NDUFAF6: variants seen among roughly 807,000 people sequenced by gnomAD.
NDUFAF6 encodes NADH:ubiquinone oxidoreductase complex assembly factor 6.
A neutral mutation model predicts 40.8 loss-of-function variants in NDUFAF6; 45 were observed. The observed-to-expected ratio is 1.10, with a 90% confidence interval of 0.87 to 1.42. The LOEUF (loss-of-function observed/expected upper bound fraction) is 1.42. Among genes scored for constraint, NDUFAF6 ranks in the 40% most tolerant of loss-of-function variants. NDUFAF6 has a pLI of 0.00. For missense variants in NDUFAF6, 435 were observed against 418.5 expected (o/e 1.04, Z -0.34); for synonymous variants, 185 against 155.9 (o/e 1.19, Z -1.39).
chr8:95,024,928 A>G (rs77790737), upstream of NDUFAF6: 166,057 of 1,185,828 alleles, frequency 0.14, 11,935 homozygotes, highest in Middle Eastern at 0.19. Context: ...TCAAAGGAGC[A>G]TAGGGGAACC....
At chr8:94,987,914 T>C (rs927171052) in intron 2 of NDUFAF6, among the ~76,000 whole-genome samples, 3 of 152,196 alleles carry the variant, frequency 2.0e-5, no homozygotes, top group African/African-American at 7.2e-5. Context: ...CTTACTATAG[T>C]AGCCTCCCCT....
upstream of NDUFAF6, among the ~76,000 whole-genome samples, chr8:95,098,560 G>A (rs1809545581): frequency 6.6e-6 from 1 of 152,204 alleles, no homozygotes; most frequent in South Asian, 2.1e-4. Flanking sequence ...CTCCCAGCTA[G>A]TCAGGGGGCT....
chr8:94,950,607 T>A (rs1822512602), intron 2 of NDUFAF6, among the ~76,000 whole-genome samples: 2 of 152,242 alleles, frequency 1.3e-5, no homozygotes, highest in Non-Finnish European at 2.9e-5. Context: ...CAAAATATGA[T>A]GGTCATTGGA....
At chr8:94,981,623 A>G (rs1310985995) in intron 2 of NDUFAF6, among the ~76,000 whole-genome samples, 3 of 152,180 alleles carry the variant, frequency 2.0e-5, no homozygotes, top group Non-Finnish European at 2.9e-5. Context: ...TACATTTCCT[A>G]AAACAGGTAA....
At chr8:95,065,444 A>AT (rs897465145) in intron 9 of NDUFAF6, among the ~76,000 whole-genome samples, 1 of 151,826 alleles carries the variant, frequency 6.6e-6, no homozygotes, top group East Asian at 1.9e-4. Context: ...GTCCTCCTCT[A>AT]TTTTTTTCCC....
chr8:94,956,620 C>G (rs1447897347), upstream of NDUFAF6, among the ~76,000 whole-genome samples: 1 of 152,028 alleles, frequency 6.6e-6, no homozygotes, highest in South Asian at 2.1e-4. Flanking sequence ...AAAAGAATCC[C>G]CCTGGCTACT....
chr8:95,038,681 T>C (rs1829786934), intron 3 of NDUFAF6, among the ~76,000 whole-genome samples: 3 of 151,720 alleles, frequency 2.0e-5, no homozygotes, highest in Non-Finnish European at 2.9e-5. Context: ...GTAAATATTT[T>C]CTTTTTTTCT....
intron 7 of NDUFAF6, among the ~76,000 whole-genome samples, chr8:95,051,493 T>C (rs937674185): frequency 1.3e-5 from 2 of 152,068 alleles, no homozygotes; most frequent in Admixed American, 6.6e-5. Flanking sequence ...AGTCAGGAAG[T>C]AGAGGGCTTT....
downstream of NDUFAF6, among the ~76,000 whole-genome samples, chr8:95,107,655 G>A (rs530870355): frequency 3.3e-5 from 5 of 152,198 alleles, no homozygotes; most frequent in African/African-American, 1.2e-4. Flanking sequence ...CTCTGAAAAG[G>A]TGAATTTTAT....
downstream of NDUFAF6, among the ~76,000 whole-genome samples, chr8:95,059,143 A>T (rs537259553): frequency 1.0e-3 from 159 of 152,308 alleles, no homozygotes; most frequent in African/African-American, 3.7e-3. Context: ...ATCTGACTCT[A>T]AATGAATCTC....
In NDUFAF6 at chr8:95,025,135, G is replaced by GGGC; in HGVS notation, c.130_132dup (p.Arg44dup). On this transcript the variant is annotated inframe_insertion, in exon 1 of 9. Transcript: ENST00000396124. ...GCGGCTGCCCGGGCCGGAGGTGTCT[G>GGGC]GGCGGAGCGTGGCTGCGGCCAGCGG... The GGGC allele has an allele frequency of 6.7e-7, 1 of 1,485,812 alleles. No individual in the cohort carries two copies. The highest frequency in any genetic ancestry group is 8.9e-7 in the Non-Finnish European group (1 of 1,128,004). 92.0% of individuals were successfully genotyped at this position (1,485,812 alleles called of 1,614,324 possible).
In NDUFAF6 at chr8:94,939,543, G is replaced by A. The variant is rs1423579058; in HGVS notation, c.-935-5940G>A. The A allele has an allele frequency of 9.7e-6, 3 of 310,390 alleles. No individual in the cohort carries two copies. In the Admixed American group the frequency reaches 1.3e-4, roughly 14 times the overall value. 19.2% of individuals were successfully genotyped at this position (310,390 alleles called of 1,614,324 possible). A position where few individuals can be genotyped will look rare whatever the true frequency, so the allele number is the denominator to read the frequency against. Reference sequence around the variant, plus strand: ...CCTGAGTAGCTGGGACTACAGGTGTGCACCACCACACCTGGCTAATTTTTT... The same window carrying A: ...CCTGAGTAGCTGGGACTACAGGTGTACACCACCACACCTGGCTAATTTTTT... On this transcript the variant is annotated intron_variant, in intron 1 of 14. Transcript: ENST00000396113.
chr8:95,018,087 C>T (rs1424577820), intron 2 of NDUFAF6, among the ~76,000 whole-genome samples: 1 of 152,080 alleles, frequency 6.6e-6, no homozygotes, highest in African/African-American at 2.4e-5. Flanking sequence ...CGTTCTTTCA[C>T]CCAGGCTGGG....
intron 1 of NDUFAF6, among the ~76,000 whole-genome samples, chr8:94,917,190 G>A (rs528768942): frequency 4.0e-5 from 6 of 151,274 alleles, no homozygotes; most frequent in South Asian, 2.1e-4. Flanking sequence ...GTACGTTAAC[G>A]TAGAAGGTTC....
intron 2 of NDUFAF6, among the ~76,000 whole-genome samples, chr8:95,017,773 T>G (rs1385760601): frequency 6.6e-6 from 1 of 151,936 alleles, no homozygotes; most frequent in African/African-American, 2.4e-5. Context: ...TTACTGTGGG[T>G]TTTTTTTGTT....
At chr8:94,929,776 G>A (rs1196438459) in intron 1 of NDUFAF6, 1 of 152,186 alleles carries the variant, frequency 6.6e-6, no homozygotes. Flanking sequence ...CCCTCTGCAC[G>A]AGACAAGTGC....
At chr8:94,948,765 TGGAGG>T (rs1380017305) in intron 2 of NDUFAF6, among the ~76,000 whole-genome samples, 4 of 145,990 alleles carry the variant, frequency 2.7e-5, no homozygotes, top group Non-Finnish European at 6.0e-5. Context: ...GGAGGAGGAG[TGGAGG>T]GGAGTGAGGA....
At chr8:94,942,099 C>T (rs1013731939) in intron 1 of NDUFAF6, among the ~76,000 whole-genome samples, 5 of 151,684 alleles carry the variant, frequency 3.3e-5, no homozygotes, top group Non-Finnish European at 7.4e-5. Context: ...TGCAGTGAGG[C>T]GATCTTGGCT....
At chr8:95,040,903 G>C (rs1248089249) in intron 3 of NDUFAF6, 1 of 152,284 alleles carries the variant, frequency 6.6e-6, no homozygotes, top group African/African-American at 2.4e-5. Context: ...GAGAATGGTA[G>C]TAGAGACAAG....
Sources: allele counts gnomAD v4.1 joint callset (sites outside exome capture counted in the v4.1 genomes callset), GRCh38; gene constraint gnomAD v4.1.1; transcripts MANE v1.5; gene names NCBI Gene and HGNC (gene_info 2026-07-23, HGNC 2026-07-21).